Variants in DAB1 observed in about 807,000 individuals in gnomAD.
DAB1 encodes DAB adaptor protein 1.
Under a neutral mutation model 64.6 loss-of-function variants are expected in DAB1, and 15 were observed. That is an observed-to-expected ratio of 0.23 (90% CI 0.16 to 0.36). The LOEUF is 0.36. Among genes scored for constraint, DAB1 ranks in the 10% least tolerant of loss-of-function variants. The pLI is 1.00. For missense variants in DAB1, 596 were observed against 706.7 expected, an observed-to-expected ratio of 0.84 and a Z score of 1.78; for synonymous variants, 235 against 251.9, an observed-to-expected ratio of 0.93 and a Z score of 0.64.
chr1:57,052,795 G>A (rs1305678679), intron 9 of DAB1, among the ~76,000 whole-genome samples: 1 of 152,164 alleles, frequency 6.6e-6, no homozygotes, highest in African/African-American at 2.4e-5. Flanking sequence ...TCCATTGCTT[G>A]AATACTCTTA....
intron 3 of DAB1, among the ~76,000 whole-genome samples, chr1:58,379,490 C>A (rs140728050): frequency 2.1e-4 from 32 of 152,264 alleles, no homozygotes; most frequent in Middle Eastern, 3.4e-3. Flanking sequence ...ATTAGCTAAC[C>A]GTTTGTTTTA....
chr1:57,837,879 A>G (rs1381533022), intron 1 of DAB1, among the ~76,000 whole-genome samples: 1 of 136,370 alleles, frequency 7.3e-6, no homozygotes, highest in Admixed American at 7.8e-5. Flanking sequence ...TCCCAACTCC[A>G]TCCCCCACCA....
chr1:58,371,515 T>A (rs1242819343), intron 3 of DAB1, among the ~76,000 whole-genome samples: 3 of 152,148 alleles, frequency 2.0e-5, no homozygotes. Context: ...TAAAAACCCA[T>A]TTTCTGGGGA....
intron 6 of DAB1, among the ~76,000 whole-genome samples, chr1:57,708,203 T>C (rs1646989820): frequency 6.6e-6 from 1 of 152,218 alleles, no homozygotes; most frequent in East Asian, 1.9e-4. Flanking sequence ...ATTGGGTCTA[T>C]TCCATCAGGC....
chr1:58,440,241 C>T (rs1173738755), intron 3 of DAB1, among the ~76,000 whole-genome samples: 1 of 152,212 alleles, frequency 6.6e-6, no homozygotes. Context: ...TTACGCACTG[C>T]TTGGATTTGT....
intron 2 of DAB1, among the ~76,000 whole-genome samples, chr1:57,176,970 T>TAAA (rs146465598): frequency 1.8e-4 from 11 of 61,042 alleles, no homozygotes; most frequent in East Asian, 5.0e-4. Context: ...CAGCAGCAGA[T>TAAA]ATAAAAAAAA....
chr1:58,310,271 A>G (rs944344103), intron 4 of DAB1, among the ~76,000 whole-genome samples: 2 of 152,178 alleles, frequency 1.3e-5, no homozygotes, highest in Non-Finnish European at 2.9e-5. Context: ...CACATATAAT[A>G]TTTCTTCACA....
At chr1:58,529,183 T>A (rs1009937791) in intron 1 of DAB1, among the ~76,000 whole-genome samples, 1 of 152,210 alleles carries the variant, frequency 6.6e-6, no homozygotes, top group Non-Finnish European at 1.5e-5. Flanking sequence ...ATGTTAATAC[T>A]GAATAATAGA....
At chr1:57,918,145 T>C (rs977804157) in intron 5 of DAB1, among the ~76,000 whole-genome samples, 2 of 151,620 alleles carry the variant, frequency 1.3e-5, no homozygotes, top group Non-Finnish European at 1.5e-5. Context: ...GTGAACTGTA[T>C]ACTATGTAAA....
intron 4 of DAB1, among the ~76,000 whole-genome samples, chr1:57,101,215 T>G (rs1311614280): frequency 6.6e-6 from 1 of 152,212 alleles, no homozygotes; most frequent in East Asian, 1.9e-4. Flanking sequence ...AAACAGGACT[T>G]TAGAACCAAC....
intron 3 of DAB1, among the ~76,000 whole-genome samples, chr1:58,412,152 G>T (rs1432148399): frequency 6.6e-6 from 1 of 152,142 alleles, no homozygotes; most frequent in East Asian, 1.9e-4. Flanking sequence ...GTGTTGCTCA[G>T]CTGGGAAGAC....
At position 57,565,545 on chromosome 1, in the gene DAB1, C is replaced by T. The variant is rs1645108551; in HGVS notation, n.625+84047G>A. Reference sequence around the variant, plus strand: ...TGGAGACCCATCTCACGTGCAGAGACACAAGTAGGCTCAAAATAAAGGGAT... The same window carrying T: ...TGGAGACCCATCTCACGTGCAGAGATACAAGTAGGCTCAAAATAAAGGGAT... On this transcript the variant is annotated intron_variant and non_coding_transcript_variant, in intron 7 of 20. Coordinates refer to the DAB1 transcript ENST00000485760. Among the ~76,000 whole-genome samples, 2 of 152,160 alleles carry T rather than the reference C, an allele frequency of 1.3e-5. 1 individual carries two copies. The highest frequency in any genetic ancestry group is 4.2e-4 in the South Asian group (2 of 4,818).
chr1:58,242,775 A>G (rs569071907), intron 4 of DAB1, among the ~76,000 whole-genome samples: 23 of 152,198 alleles, frequency 1.5e-4, no homozygotes, highest in Admixed American at 5.9e-4. Context: ...GATCTGGGGG[A>G]TAGTTGAAGA....
chr1:57,991,920 TG>T (rs1465236645), intron 5 of DAB1, among the ~76,000 whole-genome samples: 1 of 147,596 alleles, frequency 6.8e-6, no homozygotes, highest in East Asian at 2.0e-4. Context: ...GAAGGGAGAT[TG>T]GATGCCCGAG....
chr1:57,019,658 G>A (rs1646550249), intron 11 of DAB1, among the ~76,000 whole-genome samples: 2 of 152,208 alleles, frequency 1.3e-5, no homozygotes, highest in African/African-American at 2.4e-5. Flanking sequence ...ACTGGACAGA[G>A]GGAGCCACTT....
At chr1:58,273,379 A>G (rs11207182) in intron 4 of DAB1, among the ~76,000 whole-genome samples, 6,869 of 16,242 alleles carry the variant, frequency 0.42, 2,727 homozygotes, top group Middle Eastern at 0.62. Flanking sequence ...CGAGAGATCC[A>G]CCGTTAGTCT....
chr1:58,323,313 G>A (rs1462357168), intron 4 of DAB1, among the ~76,000 whole-genome samples: 1 of 151,760 alleles, frequency 6.6e-6, no homozygotes, highest in Non-Finnish European at 1.5e-5. Context: ...TGGTATCAGG[G>A]TGAGTTTATC....
chr1:57,274,234 C>T (rs1285711933), intron 2 of DAB1, among the ~76,000 whole-genome samples: 2 of 152,124 alleles, frequency 1.3e-5, no homozygotes, highest in Non-Finnish European at 2.9e-5. Flanking sequence ...GAAGGCTTTC[C>T]AACCTGTCAT....
intron 1 of DAB1, among the ~76,000 whole-genome samples, chr1:57,314,807 GA>G (rs1387875004): frequency 6.6e-6 from 1 of 151,386 alleles, no homozygotes; most frequent in African/African-American, 2.4e-5. Context: ...TGAACAGATG[GA>G]AAAAAAGGAC....
Sources: allele counts gnomAD v4.1 joint callset (sites outside exome capture counted in the v4.1 genomes callset), GRCh38; gene constraint gnomAD v4.1.1; transcripts MANE v1.5; gene names NCBI Gene and HGNC (gene_info 2026-07-23, HGNC 2026-07-21).